TNPO3: variants seen among roughly 807,000 people sequenced by gnomAD.
TNPO3 encodes transportin 3, also known as transportin-3.
A neutral mutation model predicts 122.8 loss-of-function variants in TNPO3; 65 were observed. The ratio of observed to expected loss-of-function variants is 0.53; its 90% CI spans 0.43 to 0.65. The LOEUF is 0.65. Among genes scored for constraint, TNPO3 ranks in the 30% least tolerant of loss-of-function variants. TNPO3 has a pLI of 0.00. For missense variants in TNPO3, 850 were observed against 1,136.7 expected (o/e 0.75, Z 3.63); for synonymous variants, 372 against 411.2 (o/e 0.90, Z 1.15).
At chr7:128,978,085 T>C (rs1318617894) in intron 16 of TNPO3, among the ~76,000 whole-genome samples, 4 of 152,212 alleles carry the variant, frequency 2.6e-5, no homozygotes. Context: ...AAATGCAGGA[T>C]TGGCACTTTG....
At chr7:128,995,101 A>T (rs1468817688) in intron 8 of TNPO3, among the ~76,000 whole-genome samples, 1 of 152,220 alleles carries the variant, frequency 6.6e-6, no homozygotes, top group Non-Finnish European at 1.5e-5. Flanking sequence ...CCAGAATTTT[A>T]AACTTAAAAC....
chr7:129,006,948 A>T (rs886694709), intron 4 of TNPO3, among the ~76,000 whole-genome samples: 1 of 152,168 alleles, frequency 6.6e-6, no homozygotes, highest in Admixed American at 6.5e-5. Context: ...TCCTTCTCAG[A>T]AGACAGAAGA....
intron 1 of TNPO3, among the ~76,000 whole-genome samples, chr7:129,023,371 T>C (rs1804758070): frequency 6.6e-6 from 1 of 151,586 alleles, no homozygotes; most frequent in South Asian, 2.1e-4. Flanking sequence ...TTTATATATA[T>C]TATATAGATA....
chr7:128,997,266 TG>T, intron 8 of TNPO3, 122 bp downstream of exon 8: 1 of 1,032,458 alleles, frequency 9.7e-7, no homozygotes, highest in Non-Finnish European at 1.4e-6. Flanking sequence ...CCCAAAGTGC[TG>T]GACTACAGGC....
intron 9 of TNPO3, among the ~76,000 whole-genome samples, 194 bp from the exon 10 acceptor site, chr7:128,992,284 T>C (rs1800826995): frequency 6.6e-6 from 1 of 152,146 alleles, no homozygotes; most frequent in Admixed American, 6.5e-5. Context: ...ATATTTGAAA[T>C]AAACCCATTT....
intron 13 of TNPO3, among the ~76,000 whole-genome samples, chr7:128,982,634 T>G (rs754816891): frequency 3.3e-5 from 5 of 152,058 alleles, no homozygotes; most frequent in Non-Finnish European, 7.4e-5. Context: ...TATTACATAT[T>G]ACATAATATA....
At chr7:128,993,147 A>T (rs559833519) in intron 9 of TNPO3, among the ~76,000 whole-genome samples, 2 of 151,114 alleles carry the variant, frequency 1.3e-5, no homozygotes, top group East Asian at 3.9e-4. Context: ...AAAAAAAAAA[A>T]TTAGGTTAGT....
intron 1 of TNPO3, among the ~76,000 whole-genome samples, chr7:129,028,671 G>C (rs1805551943): frequency 6.6e-6 from 1 of 152,226 alleles, no homozygotes; most frequent in South Asian, 2.1e-4. Flanking sequence ...GGCACTGACA[G>C]GCACAGCAGA....
At chr7:129,036,919 C>A (rs1806756205) in intron 1 of TNPO3, among the ~76,000 whole-genome samples, 1 of 151,624 alleles carries the variant, frequency 6.6e-6, no homozygotes, top group Non-Finnish European at 1.5e-5. Flanking sequence ...GATAACAGGT[C>A]AATAAAAAAC....
chr7:128,999,986 C>T (rs935464483), intron 7 of TNPO3, among the ~76,000 whole-genome samples: 1 of 152,140 alleles, frequency 6.6e-6, no homozygotes, highest in African/African-American at 2.4e-5. Context: ...TAGCAAACCT[C>T]GGTAAGTAGG....
rs145361768 is a variant in TNPO3 at position 128,982,536 on chromosome 7, A to C, written c.1783-212T>G. Among the ~76,000 whole-genome samples, 728 of 152,332 alleles carry C rather than the reference A, an allele frequency of 4.8e-3. 5 individuals are homozygous for C. The highest frequency in any genetic ancestry group is 0.011 in the Admixed American group (166 of 15,306). ...TCCATCTTATTGCATCCTGGCCAAG[A>C]CTACATATTGCTACATTTTACTGTC... is the stretch of plus-strand genomic sequence containing the variant. On this transcript the variant is annotated intron_variant, in intron 13 of 22. Transcript: ENST00000265388.
chr7:129,026,394 A>ATTTTTT (rs969403916), intron 1 of TNPO3, among the ~76,000 whole-genome samples: 4 of 94,692 alleles, frequency 4.2e-5, no homozygotes, highest in Admixed American at 1.2e-4. Context: ...TGACGTTTGA[A>ATTTTTT]TTTTTTTTTT....
At chr7:128,986,577 C>A (rs1800175979) in intron 12 of TNPO3, 152 bp downstream of exon 12, 1 of 644,872 alleles carries the variant, frequency 1.6e-6, no homozygotes, top group East Asian at 2.8e-5. Flanking sequence ...ATAGTCAACA[C>A]TATCCCCTCT....
intron 5 of TNPO3, 115 bp from the exon 6 acceptor site, chr7:129,001,349 TAAGTA>T (rs770313543): frequency 2.6e-5 from 21 of 820,928 alleles, no homozygotes; most frequent in Non-Finnish European, 3.6e-5. Context: ...ATTCAAAATA[TAAGTA>T]AATAATAATA....
At chr7:129,006,793 A>C (rs1250873462) in intron 4 of TNPO3, among the ~76,000 whole-genome samples, 1 of 152,218 alleles carries the variant, frequency 6.6e-6, no homozygotes, top group Admixed American at 6.5e-5. Context: ...ATTGTGCTCC[A>C]AAGAATGCTA....
At chr7:128,967,701 G>A (rs1179971373) in intron 20 of TNPO3, among the ~76,000 whole-genome samples, 2 of 151,920 alleles carry the variant, frequency 1.3e-5, no homozygotes, top group African/African-American at 2.4e-5. Context: ...CTGTCATAAC[G>A]TATATGACAT....
chr7:128,977,690 G>A (rs978063642), intron 16 of TNPO3, among the ~76,000 whole-genome samples: 14 of 151,476 alleles, frequency 9.2e-5, no homozygotes, highest in Non-Finnish European at 1.5e-4. Context: ...TCCACCCTCC[G>A]GGTTCAAATG....
chr7:128,957,214 G>T lies in TNPO3; in HGVS notation c.*31+10C>A. ...AGTCCGGACAAAAGCTGGGAACTATGTATCCTCACCTGGGTGACAGGCACA... is the reference window on the plus strand; with the variant it reads ...AGTCCGGACAAAAGCTGGGAACTATTTATCCTCACCTGGGTGACAGGCACA... On this transcript the variant is annotated intron_variant, in intron 22 of 22. Transcript: ENST00000265388. 1 of 1,611,656 alleles carries T rather than the reference G, an allele frequency of 6.2e-7. No individual in the cohort carries two copies. Among genetic ancestry groups the T allele is most frequent in the Non-Finnish European group, 8.5e-7 (1 of 1,177,738 alleles).
At chr7:129,041,675 A>C in intron 1 of TNPO3, 1 of 985,496 alleles carries the variant, frequency 1.0e-6, no homozygotes, top group Non-Finnish European at 1.2e-6. Context: ...CAGAGTCAGC[A>C]GGAGGAAGCT....
Sources: gnomAD v4.1 joint callset for allele counts (sites outside exome capture counted in the v4.1 genomes callset) on GRCh38, gnomAD v4.1.1 for gene constraint, MANE v1.5 for transcripts, NCBI Gene and HGNC (gene_info 2026-07-23, HGNC 2026-07-21) for gene names.